SYNE2: variants seen among roughly 807,000 people sequenced by gnomAD.
The protein encoded by SYNE2 is spectrin repeat containing nuclear envelope protein 2.
SYNE2 carries 431 observed loss-of-function variants against 856.3 expected under a neutral mutation model. The observed-to-expected ratio is 0.50, with a 90% CI of 0.47 to 0.55. The LOEUF (loss-of-function observed/expected upper bound fraction) is 0.55, where lower values mean the gene tolerates loss of function less well. Among genes scored for constraint, SYNE2 ranks in the 20% least tolerant of loss-of-function variants. The probability of loss-of-function intolerance (pLI) is 0.00; values close to 1 mark genes in which losing one functional copy is unlikely to be tolerated. For synonymous variants in SYNE2, 2,923 were observed against 2,872.3 expected, an observed-to-expected ratio of 1.02 and a Z score of -0.56; for missense variants, 8,129 against 8,023.2, an observed-to-expected ratio of 1.01 and a Z score of -0.50.
At chr14:63,916,534 ATGAG>A (rs10572684) in intron 2 of SYNE2, among the ~76,000 whole-genome samples, 1,600 of 152,316 alleles carry the variant, frequency 0.011, 19 homozygotes, top group African/African-American at 0.036. Context: ...CAATTTTATT[ATGAG>A]TGAGTGGCCA....
chr14:64,024,415 G>C lies in SYNE2; in HGVS notation c.5796G>C (p.Gln1932His), dbSNP rs1567083049. Residue 1932 changes from glutamine (Q) to histidine (H), a missense_variant, in exon 39 of 116, where the codon CAG becomes CAC. By Grantham distance (24) the Gln-to-His change is conservative. Around this residue, in one of 3 missense-constraint regions of SYNE2, gnomAD observed 2,422 missense variants for 2,357.4 expected, o/e 1.03. Coordinates refer to ENST00000555002, the MANE Select transcript of SYNE2 (RefSeq NM_182914.3). ...TAGAAAAAATGGAGTCCATATGCCA[G>C]GCTCGAGCAAAGGAGCTTGAAGACT... ...FELEKMESICQARAKELEDSL... is the reference protein window; with the variant it reads ...FELEKMESICHARAKELEDSL... The C allele has an allele frequency of 6.2e-7, 1 of 1,614,120 alleles. No individual in the cohort carries two copies. The highest frequency in any genetic ancestry group is 1.3e-5 in the African/African-American group (1 of 75,034).
Position 63,796,393 on chromosome 14 carries a change from G to T in SYNE2, c.-305+34407G>T, listed in dbSNP as rs897965655. On this transcript the variant is annotated intron_variant, in intron 1 of 23. Transcript: ENST00000674003. ...AATCGCTTGAACCCGGGAAGCAGAG[G>T]TTACAGTAAGACGAGATCTCGCCGC... Among the ~76,000 whole-genome samples, 51 of 152,078 alleles carry T rather than the reference G, an allele frequency of 3.4e-4. 1 individual carries two copies. The highest frequency in any genetic ancestry group is 1.5e-4 in the Non-Finnish European group (10 of 68,020).
chr14:63,944,596 T>C (rs2095990707), intron 6 of SYNE2, among the ~76,000 whole-genome samples: 1 of 144,216 alleles, frequency 6.9e-6, no homozygotes, highest in Admixed American at 7.2e-5. Context: ...GGATCTTGGC[T>C]CACTGCAACC....
At chr14:63,919,981 T>G (rs574857118) in intron 2 of SYNE2, among the ~76,000 whole-genome samples, 2 of 151,152 alleles carry the variant, frequency 1.3e-5, no homozygotes, top group East Asian at 1.9e-4. Flanking sequence ...AGTTTTTTTT[T>G]TTTTTTTTTT....
chr14:64,210,100 C>T lies in SYNE2; in HGVS notation c.18699C>T (p.Val6233=). Reference sequence around the variant, plus strand: ...GCTGGGACAACCTTCAGAGGCGGGTCACAGCCGTCCTGCGGAGACTCAGGG... The same window carrying T: ...GCTGGGACAACCTTCAGAGGCGGGTTACAGCCGTCCTGCGGAGACTCAGGG... The part of the protein sequence containing the change: ...NQRWDNLQRR[V]TAVLRRLRHF... Residue 6233 remains valine (V), a synonymous_variant, in exon 103 of 116, where the codon GTC becomes GTT. Coordinates refer to ENST00000555002, the MANE Select transcript of SYNE2 (RefSeq NM_182914.3). 6.2e-7 allele frequency: 1 copy of T among 1,613,864 alleles called. No individual in the cohort carries two copies. The highest frequency in any genetic ancestry group is 1.3e-5 in the African/African-American group (1 of 75,052).
chr14:63,980,624 C>T, intron 14 of SYNE2, 30 bp from the exon 15 acceptor site: 1 of 1,430,550 alleles, frequency 7.0e-7, no homozygotes, highest in Non-Finnish European at 9.8e-7. Context: ...AAAGTAAAAA[C>T]TGTCAATATG....
intron 28 of SYNE2, 123 bp downstream of exon 28, chr14:64,000,842 A>AGAG: frequency 1.2e-6 from 1 of 859,848 alleles, no homozygotes; most frequent in Non-Finnish European, 1.8e-6. Context: ...AACAACAGTA[A>AGAG]GAGAGGCTAC....
intron 1 of SYNE2, among the ~76,000 whole-genome samples, chr14:63,872,227 G>T (rs756801970): frequency 2.0e-5 from 3 of 151,690 alleles, no homozygotes; most frequent in Admixed American, 6.6e-5. Flanking sequence ...TCAGGAGTTC[G>T]AGACCATCTT....
intron 94 of SYNE2, among the ~76,000 whole-genome samples, chr14:64,174,627 C>A (rs2153730933): frequency 6.6e-6 from 1 of 152,312 alleles, no homozygotes; most frequent in East Asian, 1.9e-4. Flanking sequence ...ACTCTTAGAT[C>A]CATTTACCTT....
At chr14:64,141,869 A>G (rs995661044) in intron 81 of SYNE2, 73 bp from the exon 82 acceptor site, 3 of 1,565,898 alleles carry the variant, frequency 1.9e-6, no homozygotes, top group Non-Finnish European at 1.7e-6. Flanking sequence ...CAAACCAGAT[A>G]TCATCTTTAG....
Position 64,162,092 on chromosome 14 carries a change from C to G in SYNE2, c.16115C>G (p.Ala5372Gly). ...GACAGGTGGACTCAGGTGAACCAAG[C>G]CATTGCAGACCAGTTGCAGAAGGCC... is the stretch of plus-strand genomic sequence containing the variant. Reference protein sequence around the residue: ...THKRWTQVNQAIADQLQKAQS... With the variant: ...THKRWTQVNQGIADQLQKAQS... Residue 5372 changes from alanine (A) to glycine (G), a missense_variant, in exon 88 of 116, where the codon GCC becomes GGC. Physicochemically the swap from Ala to Gly is moderately conservative, Grantham distance 60 (BLOSUM62 0). Coordinates refer to ENST00000555002, the MANE Select transcript of SYNE2 (RefSeq NM_182914.3). 1 of 1,614,170 alleles carries G rather than the reference C, an allele frequency of 6.2e-7. No individual in the cohort carries two copies. The highest frequency in any genetic ancestry group is 8.5e-7 in the Non-Finnish European group (1 of 1,180,026).
At chr14:64,086,091 G>T (rs1285418861) in intron 57 of SYNE2, among the ~76,000 whole-genome samples, 1 of 152,120 alleles carries the variant, frequency 6.6e-6, no homozygotes, top group Non-Finnish European at 1.5e-5. Flanking sequence ...CTAACCCAGG[G>T]TTACAAAGAT....
chr14:63,860,412 G>A (rs891770361), intron 1 of SYNE2, among the ~76,000 whole-genome samples: 5 of 152,194 alleles, frequency 3.3e-5, no homozygotes, highest in Admixed American at 6.5e-5. Flanking sequence ...CCTGAGAAAC[G>A]TTGAGTTGAA....
In SYNE2 at chr14:64,027,207, A is replaced by G. The variant is rs145808610; in HGVS notation, c.6405-277A>G. On this transcript the variant is annotated intron_variant, in intron 42 of 115. Transcript: ENST00000555002. ...GTATGGGAAAATATAATTAGTAGAAACTGTTGGGACTTGTTTGAAATCTAA... is the reference window on the plus strand; with the variant it reads ...GTATGGGAAAATATAATTAGTAGAAGCTGTTGGGACTTGTTTGAAATCTAA... 6.2e-3 allele frequency among the ~76,000 whole-genome samples: 940 copies of G among 152,322 alleles called. 15 individuals carry two copies. The highest frequency in any genetic ancestry group is 0.022 in the African/African-American group (912 of 41,576).
chr14:64,055,359 G>C (rs905939196), intron 48 of SYNE2, among the ~76,000 whole-genome samples: 1 of 149,600 alleles, frequency 6.7e-6, no homozygotes, highest in South Asian at 2.1e-4. Flanking sequence ...TATTAAATCT[G>C]AAAATAACTT....
At chr14:63,787,669 C>T (rs544005061) in intron 1 of SYNE2, among the ~76,000 whole-genome samples, 1 of 152,310 alleles carries the variant, frequency 6.6e-6, no homozygotes, top group South Asian at 2.1e-4. Flanking sequence ...AACTGGTAGT[C>T]CCATGATCTC....
At chr14:64,135,977 A>G (rs748961839) in intron 78 of SYNE2, among the ~76,000 whole-genome samples, 4 of 152,144 alleles carry the variant, frequency 2.6e-5, no homozygotes, top group Admixed American at 6.5e-5. Context: ...TCGTGCACAG[A>G]CTGTATCCCA....
chr14:64,067,936 G>T (rs1274497268), intron 51 of SYNE2, among the ~76,000 whole-genome samples: 1 of 152,100 alleles, frequency 6.6e-6, no homozygotes, highest in Non-Finnish European at 1.5e-5. Flanking sequence ...TGCTGGTTCT[G>T]GGTTTTTTGG....
intron 97 of SYNE2, 117 bp downstream of exon 97, chr14:64,186,696 C>A: frequency 7.2e-7 from 1 of 1,384,646 alleles, no homozygotes; most frequent in Non-Finnish European, 1.0e-6. Flanking sequence ...TTCAGTGGGA[C>A]CCCTGGCCCG....
Sources: allele counts gnomAD v4.1 joint callset (sites outside exome capture counted in the v4.1 genomes callset), GRCh38; gene constraint gnomAD v4.1.1; regional missense constraint gnomAD v4.1.1; transcripts MANE v1.5; gene names NCBI Gene and HGNC (gene_info 2026-07-23, HGNC 2026-07-21).